QKI: variants seen among roughly 807,000 people sequenced by gnomAD.
QKI encodes the protein QKI, KH domain containing RNA binding.
QKI carries 10 observed loss-of-function variants against 39.0 expected under a neutral mutation model. That is an observed-to-expected ratio of 0.26 (90% CI 0.16 to 0.43). QKI has a LOEUF of 0.43. QKI is among the 20% of genes least tolerant of loss of function. The pLI is 1.00. For missense variants in QKI, 218 were observed against 428.0 expected, an observed-to-expected ratio of 0.51 and a Z score of 4.33; for synonymous variants, 204 against 155.4, an observed-to-expected ratio of 1.31 and a Z score of -2.33.
chr6:163,531,217 A>C (rs1399754174), intron 3 of QKI, among the ~76,000 whole-genome samples: 1 of 152,194 alleles, frequency 6.6e-6, no homozygotes, highest in Non-Finnish European at 1.5e-5. Context: ...CAGTTGTTCA[A>C]GTCTCCTGTC....
intron 4 of QKI, among the ~76,000 whole-genome samples, chr6:163,551,142 T>G (rs750172271): frequency 2.6e-5 from 4 of 152,142 alleles, no homozygotes; most frequent in Non-Finnish European, 4.4e-5. Context: ...CAAAATCAGT[T>G]TCTCCTACTA....
chr6:163,541,708 G>T (rs1184392127), intron 4 of QKI, among the ~76,000 whole-genome samples: 6 of 151,868 alleles, frequency 4.0e-5, no homozygotes, highest in Non-Finnish European at 7.4e-5. Context: ...ACATGGTTTG[G>T]CATCATTAAA....
At chr6:163,447,716 A>G (rs1562443216) in intron 1 of QKI, among the ~76,000 whole-genome samples, 1 of 152,174 alleles carries the variant, frequency 6.6e-6, no homozygotes, top group Admixed American at 6.5e-5. Flanking sequence ...GGTGAAGACC[A>G]GTTGAGTCAT....
intron 3 of QKI, among the ~76,000 whole-genome samples, chr6:163,482,702 CAT>C (rs781491231): frequency 2.0e-5 from 3 of 152,282 alleles, no homozygotes; most frequent in Non-Finnish European, 2.9e-5. Flanking sequence ...TAGGGCAAGA[CAT>C]GTGGGAAGGG....
rs1433988066 is a variant in QKI, at chr6:163,571,661, G to A, written c.*951G>A. On this transcript the variant is annotated 3_prime_UTR_variant, in exon 8 of 8. Transcript: ENST00000361752. ...ATACTTTTACTATACAAGGGTGCTG[G>A]TGCAGAAAAAAATATATATATTTTT... The A allele has an allele frequency of 1.3e-5, 2 of 151,302 alleles. No individual in the cohort carries two copies. The highest frequency in any genetic ancestry group is 2.9e-5 in the Non-Finnish European group (2 of 67,886). 9.4% of individuals were successfully genotyped at this position (151,302 alleles called of 1,614,324 possible).
At chr6:163,540,212 A>G (rs558771233) in intron 4 of QKI, among the ~76,000 whole-genome samples, 1 of 152,228 alleles carries the variant, frequency 6.6e-6, no homozygotes, top group African/African-American at 2.4e-5. Context: ...ATAGCAAAAA[A>G]CATCTAGTCC....
At chr6:163,469,050 A>AT (rs956721688) in intron 2 of QKI, among the ~76,000 whole-genome samples, 4 of 151,862 alleles carry the variant, frequency 2.6e-5, no homozygotes, top group African/African-American at 7.3e-5. Context: ...TGATTGTTTC[A>AT]TTTTTTAAGG....
At chr6:163,559,887 A>C (rs1466122920) in intron 4 of QKI, among the ~76,000 whole-genome samples, 1 of 152,158 alleles carries the variant, frequency 6.6e-6, no homozygotes. Context: ...TATGTCAGAA[A>C]ATTGTTGCAT....
intron 1 of QKI, among the ~76,000 whole-genome samples, chr6:163,422,692 T>G (rs961566819): frequency 2.6e-5 from 4 of 152,200 alleles, no homozygotes; most frequent in East Asian, 1.9e-4. Flanking sequence ...TATCTGTAAG[T>G]GAAGACATGC....
At chr6:163,529,940 A>T (rs1395016568) in intron 3 of QKI, among the ~76,000 whole-genome samples, 1 of 152,202 alleles carries the variant, frequency 6.6e-6, no homozygotes, top group East Asian at 1.9e-4. Flanking sequence ...ACTGCTTTAG[A>T]GATTGAAGTA....
chr6:163,496,067 C>T (rs896785866), intron 3 of QKI, among the ~76,000 whole-genome samples: 1 of 152,108 alleles, frequency 6.6e-6, no homozygotes, highest in Non-Finnish European at 1.5e-5. Flanking sequence ...TGTTAGTTAA[C>T]ATTTAATTGT....
intron 2 of QKI, chr6:163,457,418 T>C (rs745794795): frequency 2.0e-5 from 9 of 455,908 alleles, no homozygotes; most frequent in African/African-American, 4.0e-5. Context: ...TATTACCGAC[T>C]GGTGTGTTGG....
chr6:163,514,187 T>C (rs1779655199), intron 3 of QKI, among the ~76,000 whole-genome samples: 1 of 152,126 alleles, frequency 6.6e-6, no homozygotes, highest in Non-Finnish European at 1.5e-5. Context: ...GCCTAGCTTA[T>C]GGCATTAATG....
intron 6 of QKI, chr6:163,564,688 TGCC>T (rs1219632953): frequency 1.2e-6 from 2 of 1,614,108 alleles, no homozygotes; most frequent in Non-Finnish European, 1.7e-6. Context: ...ATGCCAGTCA[TGCC>T]TGATATTTCA....
At chr6:163,449,805 A>G (rs1460958414) in intron 1 of QKI, among the ~76,000 whole-genome samples, 2 of 152,146 alleles carry the variant, frequency 1.3e-5, no homozygotes, top group Non-Finnish European at 2.9e-5. Context: ...TTTTATACAC[A>G]GCCTTAGCTA....
At chr6:163,463,742 A>G (rs761502191) in intron 2 of QKI, among the ~76,000 whole-genome samples, 1 of 152,204 alleles carries the variant, frequency 6.6e-6, no homozygotes, top group Non-Finnish European at 1.5e-5. Context: ...CGAAGGCAAT[A>G]AAGGTCAACA....
chr6:163,477,015 G>GTTTTTTTTT lies in QKI; in HGVS notation c.286-1761_286-1760insTTTTTTTTT, dbSNP rs1421278363. Reference sequence around the variant, plus strand: ...CAGATTCCTTTTTTTGTTTTGTTTTGTTTTGTTTTTTTTTTTTTGAGACAG... The same window carrying GTTTTTTTTT: ...CAGATTCCTTTTTTTGTTTTGTTTTGTTTTTTTTTTTTTGTTTTTTTTTTTTTGAGACAG... On this transcript the variant is annotated intron_variant, in intron 2 of 7. Coordinates refer to ENST00000361752, the MANE Select transcript of QKI (RefSeq NM_006775.3). Among the ~76,000 whole-genome samples the GTTTTTTTTT allele has an allele frequency of 3.8e-5, 3 of 78,710 alleles. 1 individual carries two copies. Among genetic ancestry groups the GTTTTTTTTT allele is most frequent in the African/African-American group, 5.3e-5 (1 of 18,700 alleles). The allele number at this position is 78,710 out of a possible 152,430, so 51.6% of individuals were successfully genotyped here. A position where few individuals can be genotyped will look rare whatever the true frequency, so the allele number is the denominator to read the frequency against.
intron 2 of QKI, among the ~76,000 whole-genome samples, chr6:163,473,499 T>C (rs117849253): frequency 0.017 from 2,561 of 152,140 alleles, 34 homozygotes; most frequent in Non-Finnish European, 0.021. Context: ...TAAAACACTT[T>C]TGAAGACAGA....
At chr6:163,432,555 G>A (rs1788920672) in intron 1 of QKI, among the ~76,000 whole-genome samples, 1 of 151,930 alleles carries the variant, frequency 6.6e-6, no homozygotes, top group Admixed American at 6.6e-5. Flanking sequence ...ACCATGCCTG[G>A]ATAATTAAAA....
Sources: gnomAD v4.1 joint callset for allele counts (sites outside exome capture counted in the v4.1 genomes callset) on GRCh38, gnomAD v4.1.1 for gene constraint, MANE v1.5 for transcripts, NCBI Gene and HGNC (gene_info 2026-07-23, HGNC 2026-07-21) for gene names.